The following KCNC2 variants were observed in gnomAD, a reference collection of about 807,000 sequenced individuals.
KCNC2 encodes potassium voltage-gated channel subfamily C member 2.
KCNC2 carries 21 observed loss-of-function variants against 44.5 expected under a neutral mutation model. The ratio of observed to expected loss-of-function variants is 0.47; its 90% CI spans 0.33 to 0.68. The LOEUF (loss-of-function observed/expected upper bound fraction) is 0.68. Among genes scored for constraint, KCNC2 ranks in the 30% least tolerant of loss-of-function variants. KCNC2 has a pLI of 0.01. For missense variants in KCNC2, 589 were observed against 826.2 expected, an observed-to-expected ratio of 0.71 and a Z score of 3.52; for synonymous variants, 391 against 339.1, an observed-to-expected ratio of 1.15 and a Z score of -1.68.
intron 2 of KCNC2, among the ~76,000 whole-genome samples, chr12:75,079,072 G>A (rs1386010188): frequency 2.0e-5 from 3 of 152,108 alleles, no homozygotes; most frequent in Non-Finnish European, 4.4e-5. Flanking sequence ...TAGGGGGTCA[G>A]AAGAAGTAGA....
chr12:75,199,211 A>T (rs531030963), intron 2 of KCNC2, among the ~76,000 whole-genome samples: 2 of 151,860 alleles, frequency 1.3e-5, no homozygotes, highest in African/African-American at 4.8e-5. Context: ...ATTTTTAAAG[A>T]TGTCTACAGC....
chr12:75,187,838 A>G (rs1355831485), intron 2 of KCNC2, among the ~76,000 whole-genome samples: 3 of 152,178 alleles, frequency 2.0e-5, no homozygotes, highest in Non-Finnish European at 4.4e-5. Context: ...TAACAAAAAG[A>G]TGGATTTCTA....
chr12:75,208,990 G>T (rs923475884), intron 1 of KCNC2, among the ~76,000 whole-genome samples: 2 of 152,036 alleles, frequency 1.3e-5, no homozygotes, highest in South Asian at 4.2e-4. Flanking sequence ...GGCGAGGCTC[G>T]GGGAAAAGCT....
At chr12:75,190,538 T>C (rs2030104454) in intron 2 of KCNC2, among the ~76,000 whole-genome samples, 1 of 152,324 alleles carries the variant, frequency 6.6e-6, no homozygotes, top group African/African-American at 2.4e-5. Flanking sequence ...CTACACTTTA[T>C]TATTTCTAAA....
chr12:75,201,409 T>C (rs1270701432), intron 2 of KCNC2, among the ~76,000 whole-genome samples: 1 of 149,884 alleles, frequency 6.7e-6, no homozygotes, highest in Admixed American at 6.7e-5. Flanking sequence ...ATAATTATCC[T>C]ACAAATCTCA....
chr12:75,197,647 A>G (rs190443944), intron 2 of KCNC2, among the ~76,000 whole-genome samples: 4 of 152,182 alleles, frequency 2.6e-5, no homozygotes, highest in African/African-American at 9.6e-5. Flanking sequence ...GTTGAAATTC[A>G]ATAGTTGTCA....
intron 2 of KCNC2, among the ~76,000 whole-genome samples, chr12:75,062,641 C>G (rs1882456894): frequency 6.6e-6 from 1 of 151,902 alleles, no homozygotes; most frequent in Admixed American, 6.6e-5. Context: ...TGCTTCCTTT[C>G]CCAGATTTTT....
intron 2 of KCNC2, among the ~76,000 whole-genome samples, chr12:75,201,390 T>C (rs938807080): frequency 1.4e-5 from 2 of 148,130 alleles, no homozygotes; most frequent in African/African-American, 4.9e-5. Context: ...TCCCCCAGAA[T>C]CTTTAGCAAT....
At chr12:75,045,812 T>G (rs576485101) in intron 4 of KCNC2, among the ~76,000 whole-genome samples, 2 of 152,052 alleles carry the variant, frequency 1.3e-5, no homozygotes, top group East Asian at 3.9e-4. Flanking sequence ...TCTTAATATA[T>G]GCCCAATTAC....
intron 2 of KCNC2, among the ~76,000 whole-genome samples, chr12:75,084,175 C>T (rs542318960): frequency 1.3e-4 from 20 of 151,444 alleles, no homozygotes; most frequent in East Asian, 7.8e-4. Flanking sequence ...TCTCCTCTAT[C>T]GGTATAAAAT....
chr12:75,146,109 C>A lies in KCNC2; in HGVS notation c.687+61188G>T, dbSNP rs1388800496. Among the ~76,000 whole-genome samples the A allele has an allele frequency of 2.0e-4, 30 of 152,070 alleles. No homozygotes were observed. The East Asian group carries it at 5.6e-3, about 28-fold the overall frequency. ...AGCTGGGACTACAGGTGCCCACCAC[C>A]ACGCCCGGCTAATATTTTGCATTTC... On this transcript the variant is annotated intron_variant, in intron 2 of 4. Coordinates refer to ENST00000549446, the MANE Select transcript of KCNC2 (RefSeq NM_139137.4).
intron 2 of KCNC2, among the ~76,000 whole-genome samples, chr12:75,169,994 G>A (rs1170748191): frequency 6.6e-6 from 1 of 151,508 alleles, no homozygotes; most frequent in East Asian, 1.9e-4. Context: ...TGAAAATGGG[G>A]GAAATTGCTT....
intron 2 of KCNC2, among the ~76,000 whole-genome samples, chr12:75,199,181 C>G (rs1012424182): frequency 3.3e-5 from 5 of 151,798 alleles, no homozygotes; most frequent in Non-Finnish European, 7.4e-5. Context: ...TCAAGAAAGA[C>G]TATCTTGGCC....
At chr12:75,191,561 G>T (rs4882613) in intron 2 of KCNC2, among the ~76,000 whole-genome samples, 17,692 of 28,524 alleles carry the variant, frequency 0.62, 7,366 homozygotes, top group East Asian at 0.8. Context: ...TTTTTTTTTT[G>T]GAGACGGAGT....
chr12:75,169,177 T>G (rs985504559), intron 2 of KCNC2, among the ~76,000 whole-genome samples: 16 of 151,600 alleles, frequency 1.1e-4, no homozygotes, highest in African/African-American at 3.6e-4. Context: ...ATAAAGCTAG[T>G]TGAGATTGCC....
chr12:75,144,509 G>C (rs1238750447), intron 2 of KCNC2, among the ~76,000 whole-genome samples: 6 of 152,136 alleles, frequency 3.9e-5, no homozygotes, highest in African/African-American at 1.4e-4. Context: ...TACCTGGGGG[G>C]TTAAGGCAGG....
chr12:75,148,714 T>C (rs1158466383), intron 2 of KCNC2, among the ~76,000 whole-genome samples: 1 of 152,030 alleles, frequency 6.6e-6, no homozygotes, highest in East Asian at 1.9e-4. Context: ...TGTGGTTTTA[T>C]TGCTTCTCAT....
chr12:75,115,127 T>G (rs1192554196), intron 2 of KCNC2, among the ~76,000 whole-genome samples: 5 of 150,980 alleles, frequency 3.3e-5, no homozygotes, highest in Non-Finnish European at 7.4e-5. Flanking sequence ...CCTCCCAAAG[T>G]GCTGGGATTA....
intron 2 of KCNC2, among the ~76,000 whole-genome samples, chr12:75,185,736 T>G (rs1054119888): frequency 6.6e-6 from 1 of 152,118 alleles, no homozygotes. Flanking sequence ...TTCTTGTATG[T>G]GTTAATTTAA....
Sources: gnomAD v4.1 joint callset for allele counts (sites outside exome capture counted in the v4.1 genomes callset) on GRCh38, gnomAD v4.1.1 for gene constraint, MANE v1.5 for transcripts, NCBI Gene and HGNC (gene_info 2026-07-23, HGNC 2026-07-21) for gene names.